The following MREG variants were observed in gnomAD, a reference collection of about 807,000 sequenced individuals.
The protein encoded by MREG is dilute suppressor protein homolog.
A neutral mutation model predicts 28.5 loss-of-function variants in MREG; 31 were observed. That is an observed-to-expected ratio of 1.09 (90% CI 0.82 to 1.47). MREG has a LOEUF of 1.47. MREG is among the 40% of genes most tolerant of loss of function. The pLI, the probability that MREG is intolerant of heterozygous loss-of-function variation, is 0.00. For missense variants in MREG, 256 were observed against 257.4 expected (o/e 0.99, Z 0.04); for synonymous variants, 106 against 95.2 (o/e 1.11, Z -0.66).
intron 2 of MREG, among the ~76,000 whole-genome samples, chr2:215,965,522 C>T (rs1426860899): frequency 6.6e-6 from 1 of 152,120 alleles, no homozygotes; most frequent in Non-Finnish European, 1.5e-5. Context: ...TTAAAATGTG[C>T]TTTTTTAGAA....
intron 2 of MREG, among the ~76,000 whole-genome samples, chr2:215,963,224 C>G (rs1429717879): frequency 6.6e-6 from 1 of 152,068 alleles, no homozygotes; most frequent in East Asian, 1.9e-4. Context: ...CTGTGGAAGG[C>G]CGAGGCGGAT....
intron 1 of MREG, among the ~76,000 whole-genome samples, chr2:215,998,309 A>C (rs960116988): frequency 7.0e-5 from 10 of 142,500 alleles, no homozygotes; most frequent in South Asian, 4.3e-4. Context: ...CCATCTCACA[A>C]AAAAAAAAAA....
intron 1 of MREG, among the ~76,000 whole-genome samples, chr2:216,030,255 T>C (rs7592663): frequency 0.72 from 109,569 of 151,752 alleles, 39,720 homozygotes; most frequent in African/African-American, 0.77. Context: ...TTCAAAATAA[T>C]CTCTTCATTG....
chr2:216,006,629 A>T (rs1694161264), intron 1 of MREG, among the ~76,000 whole-genome samples: 1 of 152,232 alleles, frequency 6.6e-6, no homozygotes, highest in African/African-American at 2.4e-5. Context: ...GTGCTGGGAA[A>T]AAAGTCAGGC....
chr2:215,961,175 A>G (rs1346589738), intron 2 of MREG, among the ~76,000 whole-genome samples: 3 of 152,256 alleles, frequency 2.0e-5, no homozygotes, highest in Non-Finnish European at 1.5e-5. Flanking sequence ...TGGCACCTTC[A>G]AGACTTAGAG....
chr2:215,954,548 C>A (rs779026741), intron 2 of MREG, among the ~76,000 whole-genome samples: 1 of 151,516 alleles, frequency 6.6e-6, no homozygotes. Flanking sequence ...ATGTAACTTG[C>A]CCCATGCCCA....
At chr2:216,020,069 G>T (rs1694499836) in intron 1 of MREG, among the ~76,000 whole-genome samples, 1 of 152,130 alleles carries the variant, frequency 6.6e-6, no homozygotes, top group Admixed American at 6.5e-5. Context: ...GTAGAGCACG[G>T]TAAGATGTTT....
intron 2 of MREG, among the ~76,000 whole-genome samples, chr2:215,982,614 C>T (rs183535070): frequency 2.0e-5 from 3 of 152,264 alleles, no homozygotes; most frequent in East Asian, 1.9e-4. Context: ...AAACATAGAC[C>T]GGAGTGTCTA....
At chr2:216,005,444 CTTTTTTTTTTTTTTT>C (rs58288878) in intron 1 of MREG, among the ~76,000 whole-genome samples, 1 of 86,324 alleles carries the variant, frequency 1.2e-5, no homozygotes, top group Non-Finnish European at 2.4e-5. Flanking sequence ...TCTAGTTATT[CTTTTTTTTTTTTTTT>C]TTTTTTTTTT....
In MREG at chr2:216,013,372, C is replaced by A. The variant is rs1266860764; in HGVS notation, c.-45G>T. On this transcript the variant is annotated 5_prime_UTR_variant, in exon 1 of 5. Transcript: ENST00000263268. ...CGGCGCCGGAAGCCTGGGGCCGAGT[C>A]GCCGCGGCGAGCGATCGAGGCTGGG... 5 of 1,422,136 alleles carry A rather than the reference C, an allele frequency of 3.5e-6. No individual in the cohort carries two copies. The South Asian group carries it at 5.6e-5, about 16-fold the overall frequency. 88.1% of individuals were successfully genotyped at this position (1,422,136 alleles called of 1,614,324 possible).
Position 215,944,412 on chromosome 2 carries a change from A to AT in MREG, c.*450dup, listed in dbSNP as rs1460846392. 1.3e-5 allele frequency: 2 copies of AT among 153,256 alleles called. No homozygotes were observed. The highest frequency in any genetic ancestry group is 4.8e-5 in the African/African-American group (2 of 41,444). 9.5% of individuals were successfully genotyped at this position (153,256 alleles called of 1,614,324 possible). On this transcript the variant is annotated 3_prime_UTR_variant, in exon 5 of 5. Coordinates refer to ENST00000263268, the MANE Select transcript of MREG (RefSeq NM_018000.3). ...GAGAGGTCACCTCATGCCTAGTATT[A>AT]TTTTGGGGTTAGCATACATTTTATA... is the stretch of plus-strand genomic sequence containing the variant.
rs950632296 is a variant in MREG at position 215,983,199 on chromosome 2, C to T, written c.255+13107G>A. 2.6e-5 allele frequency among the ~76,000 whole-genome samples: 4 copies of T among 152,344 alleles called. No homozygotes were observed. The East Asian group carries it at 7.7e-4, about 29-fold the overall frequency. On this transcript the variant is annotated intron_variant, in intron 2 of 4. Transcript: ENST00000263268. The stretch of plus-strand genomic sequence containing the variant: ...TGGGGTAAAACTTGCAGTCCTATCT[C>T]CAAATGTAGCCAATGTTCACCCACT...
intron 2 of MREG, among the ~76,000 whole-genome samples, chr2:215,957,983 A>G (rs1343888542): frequency 6.6e-6 from 1 of 152,200 alleles, no homozygotes; most frequent in Non-Finnish European, 1.5e-5. Context: ...GGAAACCATC[A>G]TTCTCAGCAA....
chr2:216,030,002 C>T (rs1024738226), intron 1 of MREG, among the ~76,000 whole-genome samples: 1 of 152,156 alleles, frequency 6.6e-6, no homozygotes, highest in Non-Finnish European at 1.5e-5. Flanking sequence ...GTGGACCAGT[C>T]TCCCACTGTG....
intron 1 of MREG, among the ~76,000 whole-genome samples, chr2:216,010,354 CT>C (rs1164326774): frequency 0.024 from 2,286 of 94,288 alleles, 29 homozygotes; most frequent in African/African-American, 0.076. Flanking sequence ...AAAGATTTCT[CT>C]TTTTTTTTTT....
rs116247648 is a variant in MREG, at chr2:215,968,087, T to C, written c.256-20974A>G. ...ATCAGCCTTTAAATATGAGGACTTT[T>C]TGAAATCATGTCTCCAGAAGGAGGT... On this transcript the variant is annotated intron_variant, in intron 2 of 4. Transcript: ENST00000263268. Among the ~76,000 whole-genome samples the C allele has an allele frequency of 1.1e-3, 171 of 152,290 alleles. 1 individual carries two copies. The highest frequency in any genetic ancestry group is 1.3e-3 in the Non-Finnish European group (87 of 68,028).
chr2:216,015,188 TGTGTGC>T (rs1244401768), upstream of MREG, among the ~76,000 whole-genome samples: 9 of 142,716 alleles, frequency 6.3e-5, no homozygotes, highest in East Asian at 2.1e-4. Flanking sequence ...TGTTCGTGTA[TGTGTGC>T]GTGTGCGTGT....
intron 2 of MREG, among the ~76,000 whole-genome samples, chr2:215,994,252 G>C (rs1366755158): frequency 6.6e-6 from 1 of 151,950 alleles, no homozygotes; most frequent in Non-Finnish European, 1.5e-5. Context: ...ATGAGTTCAT[G>C]TCCTTTGCAG....
rs191682269 is a variant in MREG at position 215,943,944 on chromosome 2, C to T, written c.*919G>A. Among the ~76,000 whole-genome samples, 60 of 137,660 alleles carry T rather than the reference C, an allele frequency of 4.4e-4. No homozygotes were observed. The highest frequency in any genetic ancestry group is 1.3e-3 in the African/African-American group (49 of 36,880). The allele number at this position is 137,660 out of a possible 152,430, so 90.3% of individuals were successfully genotyped here. On this transcript the variant is annotated 3_prime_UTR_variant, in exon 5 of 5. Transcript: ENST00000263268. ...TCAATAATGTTGGGAATTTAAAATGCAAGTACAACACATGAATACATAACT... is the reference window on the plus strand; with the variant it reads ...TCAATAATGTTGGGAATTTAAAATGTAAGTACAACACATGAATACATAACT...
Sources: gnomAD v4.1 joint callset for allele counts (sites outside exome capture counted in the v4.1 genomes callset) on GRCh38, gnomAD v4.1.1 for gene constraint, MANE v1.5 for transcripts, NCBI Gene and HGNC (gene_info 2026-07-23, HGNC 2026-07-21) for gene names.